Variants in PCDH9 observed in about 807,000 individuals in gnomAD.
The protein encoded by PCDH9 is protocadherin-9.
PCDH9 carries 24 observed loss-of-function variants against 70.6 expected under a neutral mutation model. That is an observed-to-expected ratio of 0.34 (90% CI 0.25 to 0.48). The LOEUF is 0.48. Ranked by LOEUF, PCDH9 falls within the 20% of genes least tolerant of loss-of-function variation. The probability of loss-of-function intolerance (pLI) is 0.99; values close to 1 mark genes in which losing one functional copy is unlikely to be tolerated. For missense variants in PCDH9, 1,281 were observed against 1,503.6 expected (o/e 0.85, Z 2.45); for synonymous variants, 562 against 558.5 (o/e 1.01, Z -0.09).
intron 2 of PCDH9, among the ~76,000 whole-genome samples, chr13:67,134,114 A>G (rs1358434977): frequency 6.6e-6 from 1 of 152,098 alleles, no homozygotes; most frequent in Non-Finnish European, 1.5e-5. Flanking sequence ...AAAATCCTCT[A>G]AGATTGCCTC....
chr13:67,192,390 C>T (rs1441989070), intron 2 of PCDH9, among the ~76,000 whole-genome samples: 1 of 152,128 alleles, frequency 6.6e-6, no homozygotes, highest in Non-Finnish European at 1.5e-5. Flanking sequence ...AATCTCTCTT[C>T]TAAAGGTTTC....
At chr13:67,093,605 A>G (rs1229030748) in intron 2 of PCDH9, among the ~76,000 whole-genome samples, 1 of 152,158 alleles carries the variant, frequency 6.6e-6, no homozygotes, top group Non-Finnish European at 1.5e-5. Flanking sequence ...AGTATATTAT[A>G]CACATGTTTC....
intron 2 of PCDH9, among the ~76,000 whole-genome samples, chr13:66,918,737 C>A (rs2082595314): frequency 6.6e-6 from 1 of 151,140 alleles, no homozygotes; most frequent in Non-Finnish European, 1.5e-5. Flanking sequence ...GCATTTAAAT[C>A]TAAGTAATAA....
At chr13:67,174,717 A>T (rs887602768) in intron 2 of PCDH9, among the ~76,000 whole-genome samples, 1 of 152,176 alleles carries the variant, frequency 6.6e-6, no homozygotes, top group Admixed American at 6.5e-5. Flanking sequence ...GTCAGGAAAA[A>T]GACTTATTCA....
At chr13:67,127,674 A>ATATGTGTG (rs1555310051) in intron 2 of PCDH9, among the ~76,000 whole-genome samples, 1 of 59,188 alleles carries the variant, frequency 1.7e-5, no homozygotes, top group African/African-American at 5.7e-5. Flanking sequence ...ATATATATAT[A>ATATGTGTG]TATGTGTGTG....
intron 4 of PCDH9, among the ~76,000 whole-genome samples, chr13:66,414,897 A>G (rs1957436169): frequency 6.6e-6 from 1 of 152,208 alleles, no homozygotes. Context: ...GTTTTCCTGT[A>G]TAAATAAACT....
intron 3 of PCDH9, among the ~76,000 whole-genome samples, chr13:66,682,973 T>A (rs1385886814): frequency 6.6e-6 from 1 of 152,194 alleles, no homozygotes. Flanking sequence ...TTACTCTGGC[T>A]TTTATTAGTC....
chr13:67,191,366 T>TTA (rs765841624), intron 2 of PCDH9, among the ~76,000 whole-genome samples: 46 of 152,274 alleles, frequency 3.0e-4, no homozygotes, highest in Admixed American at 9.8e-4. Flanking sequence ...TACTAACATA[T>TTA]TATTGGCTCT....
At chr13:66,569,627 A>G (rs887002280) in intron 4 of PCDH9, among the ~76,000 whole-genome samples, 8 of 152,264 alleles carry the variant, frequency 5.3e-5, no homozygotes, top group African/African-American at 1.9e-4. Context: ...GTATAGTCAA[A>G]TTACCATTCA....
chr13:66,526,817 A>C (rs1960235861), intron 4 of PCDH9, among the ~76,000 whole-genome samples: 1 of 152,168 alleles, frequency 6.6e-6, no homozygotes, highest in Non-Finnish European at 1.5e-5. Context: ...GAACTCTGTA[A>C]ATAAGAGAAC....
chr13:67,075,556 A>G (rs1364268383), intron 2 of PCDH9, among the ~76,000 whole-genome samples: 2 of 152,016 alleles, frequency 1.3e-5, no homozygotes, highest in Non-Finnish European at 2.9e-5. Flanking sequence ...TTTCTTAATT[A>G]TGATGGGCAC....
At chr13:66,908,838 T>A (rs1250120385) in intron 2 of PCDH9, among the ~76,000 whole-genome samples, 1 of 152,166 alleles carries the variant, frequency 6.6e-6, no homozygotes, top group Non-Finnish European at 1.5e-5. Context: ...CAAATCAGTG[T>A]TCAGGTGCAG....
intron 3 of PCDH9, among the ~76,000 whole-genome samples, chr13:66,812,724 G>T (rs1022488412): frequency 6.6e-6 from 1 of 152,186 alleles, no homozygotes; most frequent in African/African-American, 2.4e-5. Flanking sequence ...TTATGACCAA[G>T]TGACCACAGT....
chr13:66,939,723 G>A (rs1356479729), intron 2 of PCDH9, among the ~76,000 whole-genome samples: 1 of 151,924 alleles, frequency 6.6e-6, no homozygotes, highest in Non-Finnish European at 1.5e-5. Context: ...TGGCCTTAAA[G>A]TGTATATATC....
chr13:66,808,814 T>C (rs2080451769), intron 3 of PCDH9, among the ~76,000 whole-genome samples: 2 of 152,326 alleles, frequency 1.3e-5, no homozygotes, highest in East Asian at 1.9e-4. Flanking sequence ...TTATGAGTAA[T>C]GCAGTATTTC....
intron 3 of PCDH9, among the ~76,000 whole-genome samples, chr13:66,663,788 T>C (rs1435553452): frequency 1.3e-5 from 2 of 152,218 alleles, no homozygotes; most frequent in African/African-American, 4.8e-5. Context: ...GAATTAGAGA[T>C]GTGTACATGC....
At chr13:66,954,254 G>T (rs556000624) in intron 2 of PCDH9, among the ~76,000 whole-genome samples, 2 of 152,212 alleles carry the variant, frequency 1.3e-5, no homozygotes, top group African/African-American at 4.8e-5. Flanking sequence ...TGTACCATAT[G>T]TATAAATACA....
intron 2 of PCDH9, among the ~76,000 whole-genome samples, chr13:66,928,814 CTT>C (rs2082757990): frequency 6.6e-6 from 1 of 151,880 alleles, no homozygotes; most frequent in African/African-American, 2.4e-5. Context: ...AACTAAGGTA[CTT>C]TGTTATAGCA....
intron 2 of PCDH9, among the ~76,000 whole-genome samples, chr13:67,119,214 ATAT>A (rs1454501339): frequency 1.3e-5 from 2 of 152,070 alleles, no homozygotes; most frequent in Non-Finnish European, 2.9e-5. Flanking sequence ...GTTGTTGAAG[ATAT>A]TGTTGTTATT....
Sources: gnomAD v4.1 joint callset for allele counts (sites outside exome capture counted in the v4.1 genomes callset) on GRCh38, gnomAD v4.1.1 for gene constraint, MANE v1.5 for transcripts, NCBI Gene and HGNC (gene_info 2026-07-23, HGNC 2026-07-21) for gene names.